Variants in CDR2 observed in about 807,000 individuals in gnomAD.
CDR2 encodes cerebellar degeneration-related protein 2.
In CDR2, 34 loss-of-function variants were observed where a neutral mutation model predicts 48.4. The ratio of observed to expected loss-of-function variants is 0.70; its 90% CI spans 0.53 to 0.94. The LOEUF (loss-of-function observed/expected upper bound fraction) is 0.94, where lower values mean the gene tolerates loss of function less well. CDR2 is among the 40% of genes least tolerant of loss of function. The probability of loss-of-function intolerance (pLI) is 0.00; values close to 1 mark genes in which losing one functional copy is unlikely to be tolerated. For missense variants in CDR2, 498 were observed against 549.5 expected (o/e 0.91, Z 0.94); for synonymous variants, 240 against 219.7 (o/e 1.09, Z -0.82).
intron 2 of CDR2, among the ~76,000 whole-genome samples, chr16:22,355,663 A>G (rs894873036): frequency 6.6e-6 from 1 of 152,214 alleles, no homozygotes; most frequent in Non-Finnish European, 1.5e-5. Flanking sequence ...CTGACTTCTG[A>G]GAAATTAGAA....
intron 1 of CDR2, among the ~76,000 whole-genome samples, chr16:22,373,043 G>GT (rs2049088902): frequency 6.6e-6 from 1 of 152,164 alleles, no homozygotes; most frequent in South Asian, 2.1e-4. Flanking sequence ...CAGTATAGCG[G>GT]TTAAGAACGT....
At chr16:22,352,571 C>G (rs2048949677) in intron 2 of CDR2, among the ~76,000 whole-genome samples, 1 of 152,060 alleles carries the variant, frequency 6.6e-6, no homozygotes, top group Non-Finnish European at 1.5e-5. Flanking sequence ...GGGCAGCACC[C>G]TGTAATCAAG....
intron 1 of CDR2, among the ~76,000 whole-genome samples, chr16:22,365,992 T>C (rs1245362856): frequency 6.6e-6 from 1 of 152,172 alleles, no homozygotes; most frequent in Admixed American, 6.5e-5. Flanking sequence ...CAATATAAGA[T>C]TGTGAAAATC....
At chr16:22,374,209 C>A (rs760244362) in intron 1 of CDR2, 22 bp downstream of exon 1, 4 of 1,551,844 alleles carry the variant, frequency 2.6e-6, no homozygotes, top group Admixed American at 3.7e-5. Flanking sequence ...GCCGCCCGCC[C>A]GCGGGGCGCC....
At chr16:22,361,546 T>G (rs929802696) in intron 2 of CDR2, among the ~76,000 whole-genome samples, 2 of 152,222 alleles carry the variant, frequency 1.3e-5, no homozygotes, top group East Asian at 1.9e-4. Flanking sequence ...CCAGGCACAG[T>G]TGTGATGGAG....
In CDR2 at chr16:22,349,721, G is replaced by A; in HGVS notation, c.321C>T (p.Ala107=). 1 of 1,614,122 alleles carries A rather than the reference G, an allele frequency of 6.2e-7. No individual in the cohort carries two copies. The highest frequency in any genetic ancestry group is 8.5e-7 in the Non-Finnish European group (1 of 1,180,000). ...TTTACCTCAGAATCTTTTGCTGTGA[G>A]GCCTTGCTGTCAGCAACTAGCTTTT... ...TNQKLVADSK[A]SQQKILSLTE... is the part of the protein sequence containing the mutation. The change falls in exon 3 of 5, where the codon GCC becomes GCT. Residue 107 remains alanine (A), a synonymous_variant. Coordinates refer to ENST00000268383, the MANE Select transcript of CDR2 (RefSeq NM_001802.2).
At chr16:22,352,338 G>A (rs962160181) in intron 2 of CDR2, among the ~76,000 whole-genome samples, 4 of 151,678 alleles carry the variant, frequency 2.6e-5, no homozygotes, top group African/African-American at 7.3e-5. Flanking sequence ...GACACTCAAC[G>A]GGCCCTTAAA....
At chr16:22,371,189 G>T (rs1198371500) in intron 1 of CDR2, among the ~76,000 whole-genome samples, 1 of 150,444 alleles carries the variant, frequency 6.6e-6, no homozygotes, top group Admixed American at 6.6e-5. Context: ...CCAGCCTGGG[G>T]ACAGAGCGAG....
chr16:22,356,996 A>C (rs1430303598), intron 2 of CDR2, among the ~76,000 whole-genome samples: 1 of 151,818 alleles, frequency 6.6e-6, no homozygotes, highest in African/African-American at 2.4e-5. Flanking sequence ...AGCAGGTCTA[A>C]AGCGGCAGCA....
intron 2 of CDR2, among the ~76,000 whole-genome samples, chr16:22,360,369 T>C (rs2049002853): frequency 1.3e-5 from 2 of 152,238 alleles, no homozygotes; most frequent in Admixed American, 1.3e-4. Flanking sequence ...TTAATCTTTT[T>C]TCGTTTTCAC....
Position 22,364,897 on chromosome 16 carries a change from A to G in CDR2, c.192+5T>C. ...AAAGTGTAACTCTCCTGCCAAGTGA[A>G]TTACCTCAATTTCCTGTAACTGCTC... On this transcript the variant is annotated splice_donor_5th_base_variant and intron_variant, in intron 2 of 4. Transcript: ENST00000268383. 2 of 1,545,644 alleles carry G rather than the reference A, an allele frequency of 1.3e-6. No homozygotes were observed. Among genetic ancestry groups the G allele is most frequent in the Non-Finnish European group, 1.8e-6 (2 of 1,117,794 alleles).
chr16:22,362,367 G>A (rs2049016231), intron 2 of CDR2, among the ~76,000 whole-genome samples: 1 of 152,166 alleles, frequency 6.6e-6, no homozygotes, highest in Admixed American at 6.5e-5. Flanking sequence ...TAGCTTAAAT[G>A]TTTAATCATC....
intron 2 of CDR2, among the ~76,000 whole-genome samples, chr16:22,357,954 A>G (rs1163703585): frequency 6.6e-6 from 1 of 152,248 alleles, no homozygotes; most frequent in Non-Finnish European, 1.5e-5. Flanking sequence ...TTCACATGGT[A>G]GGAGCTTAAT....
chr16:22,371,193 G>GCC (rs2049073245), intron 1 of CDR2, among the ~76,000 whole-genome samples: 1 of 150,984 alleles, frequency 6.6e-6, no homozygotes, highest in Non-Finnish European at 1.5e-5. Context: ...CCTGGGGACA[G>GCC]AGCGAGACTC....
At chr16:22,366,465 A>C (rs1394258447) in intron 1 of CDR2, among the ~76,000 whole-genome samples, 1 of 152,230 alleles carries the variant, frequency 6.6e-6, no homozygotes, top group African/African-American at 2.4e-5. Flanking sequence ...AAATTTAAGA[A>C]CATGTGACCA....
At chr16:22,357,820 T>TATATATATATATATAAACCTG (rs2048985420) in intron 2 of CDR2, among the ~76,000 whole-genome samples, 1 of 151,966 alleles carries the variant, frequency 6.6e-6, no homozygotes, top group African/African-American at 2.4e-5. Context: ...AGTTCCTTGT[T>TATATATATATATATAAACCTG]TGATATATAA....
At chr16:22,355,718 A>G (rs2048970694) in intron 2 of CDR2, among the ~76,000 whole-genome samples, 1 of 152,210 alleles carries the variant, frequency 6.6e-6, no homozygotes, top group Non-Finnish European at 1.5e-5. Flanking sequence ...TAGCCAGCAT[A>G]AGGGACTTCC....
Position 22,369,503 on chromosome 16 carries a change from T to G in CDR2, c.80-4489A>C, listed in dbSNP as rs2049063310. Among the ~76,000 whole-genome samples, 4 of 152,280 alleles carry G rather than the reference T, an allele frequency of 2.6e-5. 1 individual carries two copies. The South Asian group carries it at 6.2e-4, about 24-fold the overall frequency. On this transcript the variant is annotated intron_variant, in intron 1 of 4. Coordinates refer to ENST00000268383, the MANE Select transcript of CDR2 (RefSeq NM_001802.2). ...ACAAAAAAGAATTTGAGACTTGTCC[T>G]TATCTCAAACCTTATTTCCAGTAAA...
At chr16:22,349,253 A>G in intron 4 of CDR2, 26 bp downstream of exon 4, 5 of 1,613,152 alleles carry the variant, frequency 3.1e-6, no homozygotes, top group Non-Finnish European at 4.2e-6. Flanking sequence ...TCCCTGCTGT[A>G]ACTCCACAGA....
Sources: allele counts gnomAD v4.1 joint callset (sites outside exome capture counted in the v4.1 genomes callset), GRCh38; gene constraint gnomAD v4.1.1; transcripts MANE v1.5; gene names NCBI Gene and HGNC (gene_info 2026-07-23, HGNC 2026-07-21).